The following HECW1 variants were observed in gnomAD, a reference collection of about 807,000 sequenced individuals.
The protein encoded by HECW1 is E3 ubiquitin-protein ligase HECW1.
Under a neutral mutation model 182.3 loss-of-function variants are expected in HECW1, and 61 were observed. The observed-to-expected ratio is 0.33, with a 90% confidence interval of 0.27 to 0.41. The LOEUF is 0.41. Among genes scored for constraint, HECW1 ranks in the 10% least tolerant of loss-of-function variants. The pLI, the probability that HECW1 is intolerant of heterozygous loss-of-function variation, is 1.00. For missense variants in HECW1, 1,739 were observed against 2,108.9 expected, an observed-to-expected ratio of 0.82 and a Z score of 3.44; for synonymous variants, 859 against 832.6, an observed-to-expected ratio of 1.03 and a Z score of -0.55.
intron 13 of HECW1, among the ~76,000 whole-genome samples, chr7:43,456,778 T>C (rs188586101): frequency 2.3e-4 from 35 of 152,308 alleles, no homozygotes; most frequent in African/African-American, 8.2e-4. Flanking sequence ...CCTTGAACTT[T>C]CCAGGCACTG....
intron 14 of HECW1, among the ~76,000 whole-genome samples, chr7:43,465,216 G>A (rs1190799277): frequency 6.6e-6 from 1 of 152,186 alleles, no homozygotes; most frequent in African/African-American, 2.4e-5. Flanking sequence ...TATTAAATAA[G>A]TTGGCATTTA....
chr7:43,420,498 T>A (rs1397562275), intron 8 of HECW1, among the ~76,000 whole-genome samples: 1 of 152,084 alleles, frequency 6.6e-6, no homozygotes, highest in Non-Finnish European at 1.5e-5. Flanking sequence ...AATAAACAAA[T>A]AAAGTATGTC....
chr7:43,555,494 GC>G (rs2081987745), intron 29 of HECW1, among the ~76,000 whole-genome samples: 1 of 152,322 alleles, frequency 6.6e-6, no homozygotes, highest in African/African-American at 2.4e-5. Context: ...AAACGCTGCT[GC>G]AACAGACAGA....
intron 2 of HECW1, among the ~76,000 whole-genome samples, chr7:43,137,879 A>G (rs117984438): frequency 0.018 from 2,720 of 150,928 alleles, 43 homozygotes; most frequent in Non-Finnish European, 0.03. Flanking sequence ...ACCTGTTTAG[A>G]TCTTACTCCC....
At chr7:43,402,515 T>C (rs2075461546) in intron 7 of HECW1, among the ~76,000 whole-genome samples, 1 of 152,186 alleles carries the variant, frequency 6.6e-6, no homozygotes, top group African/African-American at 2.4e-5. Flanking sequence ...GATTTTCATA[T>C]ATGTGGGAAG....
chr7:43,267,578 T>G (rs1454211189), intron 3 of HECW1, among the ~76,000 whole-genome samples: 1 of 151,124 alleles, frequency 6.6e-6, no homozygotes, highest in Non-Finnish European at 1.5e-5. Flanking sequence ...GAAAGAAAAA[T>G]TAAATAACTA....
intron 2 of HECW1, among the ~76,000 whole-genome samples, chr7:43,154,337 T>C (rs781603902): frequency 2.0e-5 from 3 of 152,236 alleles, no homozygotes; most frequent in Non-Finnish European, 4.4e-5. Context: ...ATATGTACTA[T>C]TAATTTTTCC....
intron 8 of HECW1, among the ~76,000 whole-genome samples, chr7:43,418,107 A>G (rs954296324): frequency 2.0e-5 from 3 of 152,048 alleles, no homozygotes; most frequent in African/African-American, 7.2e-5. Flanking sequence ...CTCTGCCTCC[A>G]TCTTCACGTG....
chr7:43,201,568 C>A (rs2152689796), intron 2 of HECW1, among the ~76,000 whole-genome samples: 1 of 152,290 alleles, frequency 6.6e-6, no homozygotes, highest in Non-Finnish European at 1.5e-5. Flanking sequence ...TCTTTACATT[C>A]CCCGTGGTAG....
At chr7:43,251,590 A>G (rs1800033148) in intron 3 of HECW1, among the ~76,000 whole-genome samples, 1 of 152,236 alleles carries the variant, frequency 6.6e-6, no homozygotes, top group Admixed American at 6.5e-5. Flanking sequence ...TGCTGAGATT[A>G]CAGGCGTGAG....
intron 6 of HECW1, among the ~76,000 whole-genome samples, chr7:43,364,571 C>T (rs1162457422): frequency 2.6e-5 from 4 of 152,202 alleles, no homozygotes; most frequent in Admixed American, 1.3e-4. Flanking sequence ...GAGGAGGGGG[C>T]GTGGCCTGAG....
At chr7:43,279,728 A>G (rs1803652118) in intron 3 of HECW1, among the ~76,000 whole-genome samples, 1 of 151,568 alleles carries the variant, frequency 6.6e-6, no homozygotes, top group Non-Finnish European at 1.5e-5. Flanking sequence ...ATGGCACCTG[A>G]TTTTTTTCCT....
At chr7:43,159,689 T>C (rs920809414) in intron 2 of HECW1, among the ~76,000 whole-genome samples, 2 of 149,544 alleles carry the variant, frequency 1.3e-5, no homozygotes, top group African/African-American at 4.9e-5. Context: ...TTTTTTTTTT[T>C]TTTTTTTTGA....
intron 5 of HECW1, among the ~76,000 whole-genome samples, chr7:43,333,896 C>G (rs1811802062): frequency 6.6e-6 from 1 of 152,190 alleles, no homozygotes; most frequent in South Asian, 2.1e-4. Context: ...ACAGAGGACT[C>G]TGCTCTCTGT....
intron 3 of HECW1, among the ~76,000 whole-genome samples, chr7:43,305,388 C>T (rs778054673): frequency 2.3e-4 from 24 of 103,142 alleles, no homozygotes; most frequent in Non-Finnish European, 3.1e-4. Context: ...GTATCTGAAT[C>T]TCAATTACTG....
At chr7:43,323,934 T>G (rs1810452821) in intron 5 of HECW1, among the ~76,000 whole-genome samples, 1 of 152,142 alleles carries the variant, frequency 6.6e-6, no homozygotes, top group African/African-American at 2.4e-5. Context: ...CTCAGGAGGC[T>G]GAGGCAGGAG....
rs190863066 is a variant in HECW1 at position 43,404,609 on chromosome 7, C to T, written c.632-2953C>T. Among the ~76,000 whole-genome samples, 15 of 152,242 alleles carry T rather than the reference C, an allele frequency of 9.9e-5. No individual in the cohort carries two copies. In the East Asian group the frequency reaches 2.9e-3, roughly 29 times the overall value. On this transcript the variant is annotated intron_variant, in intron 7 of 29. Transcript: ENST00000395891. ...ACAGAACAAAGTGTATCGAAAAAGA[C>T]TCATTTATATTTGAGAATTTAACCT... is the stretch of plus-strand genomic sequence containing the variant.
chr7:43,268,104 T>A (rs1309074162), intron 3 of HECW1, among the ~76,000 whole-genome samples: 1 of 152,244 alleles, frequency 6.6e-6, no homozygotes. Context: ...GCATTTATTT[T>A]AAAATATTCA....
At chr7:43,125,968 C>T (rs1012129767) in intron 2 of HECW1, among the ~76,000 whole-genome samples, 3 of 151,630 alleles carry the variant, frequency 2.0e-5, no homozygotes, top group African/African-American at 4.8e-5. Flanking sequence ...ATCCTGAAAA[C>T]CTCCAACTGC....
Sources: allele counts gnomAD v4.1 joint callset (sites outside exome capture counted in the v4.1 genomes callset), GRCh38; gene constraint gnomAD v4.1.1; transcripts MANE v1.5; gene names NCBI Gene and HGNC (gene_info 2026-07-23, HGNC 2026-07-21).